Variants in LINGO2 observed in about 807,000 individuals in gnomAD.
The protein encoded by LINGO2 is leucine-rich repeat and immunoglobulin-like domain-containing nogo receptor-interacting protein 2.
A neutral mutation model predicts 30.6 loss-of-function variants in LINGO2; 14 were observed. The observed-to-expected ratio is 0.46, with a 90% confidence interval of 0.30 to 0.72. LINGO2 has a LOEUF of 0.72. Among genes scored for constraint, LINGO2 ranks in the 30% least tolerant of loss-of-function variants. The pLI, the probability that LINGO2 is intolerant of heterozygous loss-of-function variation, is 0.07. For synonymous variants in LINGO2, 317 were observed against 288.5 expected, an observed-to-expected ratio of 1.10 and a Z score of -1.00; for missense variants, 729 against 751.7, an observed-to-expected ratio of 0.97 and a Z score of 0.35.
At chr9:28,957,599 T>C in the LINGO2 span, among the ~76,000 whole-genome samples, 1 of 152,186 alleles carries the variant, frequency 6.6e-6, no homozygotes, top group African/African-American at 2.4e-5. Flanking sequence ...GATGTCTCAA[T>C]GTCTCCAATC....
chr9:29,045,847 A>T, the LINGO2 span, among the ~76,000 whole-genome samples: 1 of 152,122 alleles, frequency 6.6e-6, no homozygotes, highest in African/African-American at 2.4e-5. Context: ...CTCACTGTAG[A>T]AATCTTTCAC....
chr9:28,237,668 C>G (rs528806120), intron 4 of LINGO2, among the ~76,000 whole-genome samples: 7 of 152,050 alleles, frequency 4.6e-5, no homozygotes, highest in African/African-American at 1.7e-4. Flanking sequence ...GCCTGGCCAA[C>G]GTGGCAAAAC....
At chr9:28,692,851 G>T in the LINGO2 span, among the ~76,000 whole-genome samples, 1 of 151,998 alleles carries the variant, frequency 6.6e-6, no homozygotes, top group Non-Finnish European at 1.5e-5. Context: ...CACATATTCA[G>T]AATATATATT....
intron 4 of LINGO2, among the ~76,000 whole-genome samples, chr9:28,269,885 G>A (rs1177576399): frequency 1.3e-5 from 2 of 152,056 alleles, no homozygotes; most frequent in South Asian, 2.1e-4. Flanking sequence ...TAGAGGACTT[G>A]CCCTCACAGA....
At chr9:28,404,513 A>G (rs1302644830) in intron 2 of LINGO2, among the ~76,000 whole-genome samples, 1 of 152,200 alleles carries the variant, frequency 6.6e-6, no homozygotes, top group Non-Finnish European at 1.5e-5. Context: ...TCTACAATGT[A>G]CCATAAAATG....
chr9:28,321,191 C>T (rs902758510), intron 3 of LINGO2, among the ~76,000 whole-genome samples: 29 of 152,092 alleles, frequency 1.9e-4, no homozygotes, highest in African/African-American at 7.0e-4. Context: ...TATGTTTCTC[C>T]ATAACTATCT....
the LINGO2 span, among the ~76,000 whole-genome samples, chr9:29,178,999 G>GA: frequency 2.0e-5 from 3 of 151,118 alleles, no homozygotes; most frequent in African/African-American, 7.3e-5. Context: ...TTACCCAGAG[G>GA]AAGGCTTCTG....
intron 1 of LINGO2, among the ~76,000 whole-genome samples, chr9:28,583,969 T>C (rs188665541): frequency 1.2e-3 from 179 of 152,132 alleles, no homozygotes; most frequent in Admixed American, 6.4e-3. Context: ...ATAGAAAGGA[T>C]GGATTTGGCC....
At chr9:28,045,182 A>C (rs371030314) in intron 4 of LINGO2, among the ~76,000 whole-genome samples, 27 of 151,976 alleles carry the variant, frequency 1.8e-4, no homozygotes, top group East Asian at 1.6e-3. Context: ...AAAAAAACCC[A>C]CACACACACA....
chr9:29,094,476 A>G, the LINGO2 span, among the ~76,000 whole-genome samples: 1 of 139,222 alleles, frequency 7.2e-6, no homozygotes, highest in Non-Finnish European at 1.6e-5. Context: ...GTCTTTTATA[A>G]ATGAAGAAAC....
At chr9:28,088,275 G>GA (rs1825972596) in intron 4 of LINGO2, among the ~76,000 whole-genome samples, 2 of 151,448 alleles carry the variant, frequency 1.3e-5, no homozygotes, top group African/African-American at 4.8e-5. Flanking sequence ...TACATAAATG[G>GA]AAAAAGTGAT....
chr9:28,056,963 G>C lies in LINGO2; in HGVS notation c.-86-44558C>G, dbSNP rs188508826. Among the ~76,000 whole-genome samples, 264 of 152,174 alleles carry C rather than the reference G, an allele frequency of 1.7e-3. 1 individual carries two copies. The highest frequency in any genetic ancestry group is 5.6e-3 in the Admixed American group (85 of 15,266). On this transcript the variant is annotated intron_variant, in intron 4 of 5. Transcript: ENST00000379992. The stretch of plus-strand genomic sequence containing the variant: ...ATATTGGATTTTAAGAGAGTGTCTT[G>C]GTTTAGGTTAATCACAGAAACACTT...
the LINGO2 span, among the ~76,000 whole-genome samples, chr9:29,023,050 A>C: frequency 6.6e-6 from 1 of 152,086 alleles, no homozygotes; most frequent in African/African-American, 2.4e-5. Context: ...CTGCCTACAT[A>C]GTCAGCATTC....
At chr9:28,954,093 A>C in the LINGO2 span, among the ~76,000 whole-genome samples, 2 of 152,206 alleles carry the variant, frequency 1.3e-5, no homozygotes, top group African/African-American at 4.8e-5. Context: ...TTTAACTTTT[A>C]CTTCAAAGCT....
At chr9:28,006,844 A>T (rs148825926) in intron 5 of LINGO2, among the ~76,000 whole-genome samples, 2 of 152,274 alleles carry the variant, frequency 1.3e-5, no homozygotes, top group Non-Finnish European at 2.9e-5. Context: ...CCTAAAACTA[A>T]ACAGCAATAC....
At chr9:29,123,644 G>C in the LINGO2 span, among the ~76,000 whole-genome samples, 1 of 151,938 alleles carries the variant, frequency 6.6e-6, no homozygotes, top group African/African-American at 2.4e-5. Flanking sequence ...TCTGATTTAA[G>C]ACATAAGAAG....
At chr9:28,768,009 C>T in the LINGO2 span, among the ~76,000 whole-genome samples, 2 of 152,210 alleles carry the variant, frequency 1.3e-5, no homozygotes, top group Admixed American at 6.5e-5. Context: ...ATGCTCATTG[C>T]AGACCTATTT....
In LINGO2 at chr9:28,659,809, T is replaced by C. The variant is rs73445582; in HGVS notation, c.-365+10391A>G. Among the ~76,000 whole-genome samples the C allele has an allele frequency of 1.7e-3, 255 of 152,170 alleles. 1 individual carries two copies. Among genetic ancestry groups the C allele is most frequent in the African/African-American group, 5.7e-3 (238 of 41,524 alleles). On this transcript the variant is annotated intron_variant, in intron 1 of 5. Coordinates refer to ENST00000379992, the Ensembl canonical transcript of LINGO2. ...GAGTCCAGTGTCGTAATAGGTTGAA[T>C]GTAACAAAATAAAATAACTGGTAAC...
the LINGO2 span, among the ~76,000 whole-genome samples, chr9:28,753,386 C>G: frequency 6.6e-6 from 1 of 152,024 alleles, no homozygotes; most frequent in Non-Finnish European, 1.5e-5. Flanking sequence ...GAGAAAAGGA[C>G]AATCCTAATA....
Sources: gnomAD v4.1 joint callset for allele counts (sites outside exome capture counted in the v4.1 genomes callset) on GRCh38, gnomAD v4.1.1 for gene constraint, MANE v1.5 for transcripts, NCBI Gene and HGNC (gene_info 2026-07-23, HGNC 2026-07-21) for gene names.